The following KLF17 variants were observed in gnomAD, a reference collection of about 807,000 sequenced individuals.
KLF17 encodes the protein Krueppel-like factor 17.
In KLF17, 31 loss-of-function variants were observed where a neutral mutation model predicts 34.2. The ratio of observed to expected loss-of-function variants is 0.91; its 90% confidence interval spans 0.68 to 1.22. The LOEUF is 1.22. Among genes scored for constraint, KLF17 ranks in the 50% most tolerant of loss-of-function variants. KLF17 has a pLI of 0.00. For synonymous variants in KLF17, 179 were observed against 186.7 expected (o/e 0.96, Z 0.34); for missense variants, 478 against 505.2 (o/e 0.95, Z 0.52).
chr1:44,072,528 AT>A, the KLF17 span, among the ~76,000 whole-genome samples: 1 of 127,478 alleles, frequency 7.8e-6, no homozygotes, highest in East Asian at 2.3e-4. Context: ...CTCTACAAAA[AT>A]AAATAAATAA....
chr1:44,078,014 T>C, the KLF17 span, among the ~76,000 whole-genome samples: 2 of 152,254 alleles, frequency 1.3e-5, no homozygotes, highest in Non-Finnish European at 2.9e-5. Context: ...TTATTGATTA[T>C]ATATGCTGCA....
chr1:44,092,297 G>A, the KLF17 span, among the ~76,000 whole-genome samples: 3 of 137,306 alleles, frequency 2.2e-5, no homozygotes, highest in Admixed American at 7.5e-5. Flanking sequence ...AGCCGAGATC[G>A]AGCCATTGCA....
upstream of KLF17, among the ~76,000 whole-genome samples, chr1:44,116,288 C>T (rs2087878711): frequency 6.6e-6 from 1 of 152,102 alleles, no homozygotes; most frequent in Non-Finnish European, 1.5e-5. Flanking sequence ...GTTGGGGACC[C>T]TAAGATACAT....
At chr1:44,058,667 C>CTTTTT in the KLF17 span, among the ~76,000 whole-genome samples, 10 of 65,220 alleles carry the variant, frequency 1.5e-4, 1 homozygote, top group South Asian at 4.5e-4. Flanking sequence ...ATGGGAGGCC[C>CTTTTT]TTTTTTTTTT....
At chr1:44,087,295 C>A in the KLF17 span, among the ~76,000 whole-genome samples, 1 of 152,120 alleles carries the variant, frequency 6.6e-6, no homozygotes, top group East Asian at 1.9e-4. Context: ...TGCTCTGTCA[C>A]CCAGGCTGTA....
chr1:44,079,816 C>G, the KLF17 span, among the ~76,000 whole-genome samples: 1 of 152,048 alleles, frequency 6.6e-6, no homozygotes, highest in Non-Finnish European at 1.5e-5. Context: ...CCCTATTGTT[C>G]TTTGGTGACG....
At chr1:44,083,176 G>A in the KLF17 span, among the ~76,000 whole-genome samples, 1 of 151,560 alleles carries the variant, frequency 6.6e-6, no homozygotes, top group Non-Finnish European at 1.5e-5. Context: ...TCAAACTCCT[G>A]GGCTCAAGCA....
the KLF17 span, among the ~76,000 whole-genome samples, chr1:44,092,366 C>G: frequency 6.6e-6 from 1 of 152,000 alleles, no homozygotes; most frequent in Non-Finnish European, 1.5e-5. Context: ...TTGTACTTCA[C>G]TACACTGACA....
chr1:44,058,152 G>C, the KLF17 span, among the ~76,000 whole-genome samples: 1 of 152,166 alleles, frequency 6.6e-6, no homozygotes, highest in Admixed American at 6.5e-5. Context: ...TAGGCATTAC[G>C]TATCATCTTC....
chr1:44,132,683 C>T lies in KLF17; in HGVS notation c.*1-555C>T, dbSNP rs116931216. On this transcript the variant is annotated intron_variant, in intron 3 of 3. Coordinates refer to ENST00000372299, the MANE Select transcript of KLF17 (RefSeq NM_173484.4). ...TGAGGACTAGGAGGGAGAGGAGGACCTAAGCCTGGGGCAGATAAAGATGAA... is the reference window on the plus strand; with the variant it reads ...TGAGGACTAGGAGGGAGAGGAGGACTTAAGCCTGGGGCAGATAAAGATGAA... 6.1e-4 allele frequency among the ~76,000 whole-genome samples: 93 copies of T among 152,104 alleles called. No homozygotes were observed. In the East Asian group the frequency reaches 0.015, roughly 25 times the overall value.
chr1:44,052,903 A>ATT, the KLF17 span, among the ~76,000 whole-genome samples: 330 of 140,838 alleles, frequency 2.3e-3, 1 homozygote, highest in Middle Eastern at 7.4e-3. Context: ...CCTAGGCAGG[A>ATT]TTTTTTTTTT....
chr1:44,094,147 G>T, the KLF17 span, among the ~76,000 whole-genome samples: 41 of 152,192 alleles, frequency 2.7e-4, no homozygotes, highest in South Asian at 6.2e-4. Flanking sequence ...CTTCTTTTGA[G>T]AAATGTGTAT....
chr1:44,117,774 C>T (rs957565416), upstream of KLF17, among the ~76,000 whole-genome samples: 2 of 152,136 alleles, frequency 1.3e-5, no homozygotes, highest in Non-Finnish European at 2.9e-5. Context: ...GCGTTGCAGG[C>T]GTGAACCACT....
chr1:44,110,356 C>A, the KLF17 span: 1 of 152,148 alleles, frequency 6.6e-6, no homozygotes, highest in Non-Finnish European at 1.5e-5. Flanking sequence ...TAGAAATTAT[C>A]CAGATACCCA....
the KLF17 span, among the ~76,000 whole-genome samples, chr1:44,098,930 G>A: frequency 7.0e-6 from 1 of 143,876 alleles, no homozygotes; most frequent in Non-Finnish European, 1.5e-5. Flanking sequence ...GTCTTACCAT[G>A]TTGCCCAGGC....
the KLF17 span, among the ~76,000 whole-genome samples, chr1:44,100,420 C>T: frequency 6.6e-6 from 1 of 151,762 alleles, no homozygotes; most frequent in Non-Finnish European, 1.5e-5. Flanking sequence ...AGTTTTAGAA[C>T]CATGCTAATT....
At chr1:44,130,846 G>A (rs1198933954) in intron 3 of KLF17, 90 bp downstream of exon 3, 73 of 1,319,682 alleles carry the variant, frequency 5.5e-5, no homozygotes, top group Non-Finnish European at 7.5e-5. Context: ...TCCCAGGCTG[G>A]AGTGCAGTGG....
the KLF17 span, chr1:44,103,951 C>A: frequency 3.5e-6 from 3 of 864,842 alleles, no homozygotes; most frequent in Non-Finnish European, 6.0e-6. Context: ...TCAGCCTCAG[C>A]CCGCCTGCGG....
At chr1:44,097,879 G>T in the KLF17 span, among the ~76,000 whole-genome samples, 2 of 152,030 alleles carry the variant, frequency 1.3e-5, no homozygotes, top group Non-Finnish European at 2.9e-5. Context: ...TGATCTTATG[G>T]TTTTTGTCCT....
Sources: gnomAD v4.1 joint callset for allele counts (sites outside exome capture counted in the v4.1 genomes callset) on GRCh38, gnomAD v4.1.1 for gene constraint, MANE v1.5 for transcripts, NCBI Gene and HGNC (gene_info 2026-07-23, HGNC 2026-07-21) for gene names.